Variants in PITPNC1 observed in about 807,000 individuals in gnomAD.
PITPNC1 encodes the protein phosphatidylinositol transfer protein cytoplasmic 1.
PITPNC1 carries 18 observed loss-of-function variants against 44.7 expected under a neutral mutation model. The observed-to-expected ratio is 0.40, with a 90% CI of 0.28 to 0.60. The LOEUF (loss-of-function observed/expected upper bound fraction) is 0.60. Among genes scored for constraint, PITPNC1 ranks in the 20% least tolerant of loss-of-function variants. The probability of loss-of-function intolerance (pLI) is 0.39; values close to 1 mark genes in which losing one functional copy is unlikely to be tolerated. For synonymous variants in PITPNC1, 141 were observed against 149.6 expected, an observed-to-expected ratio of 0.94 and a Z score of 0.42; for missense variants, 290 against 418.4, an observed-to-expected ratio of 0.69 and a Z score of 2.68.
intron 4 of PITPNC1, among the ~76,000 whole-genome samples, chr17:67,569,129 C>T (rs976727533): frequency 1.1e-4 from 16 of 152,100 alleles, no homozygotes; most frequent in Admixed American, 5.9e-4. Flanking sequence ...CCAGCACCAC[C>T]CAGAAACTGA....
rs115965679 is a variant in PITPNC1 at position 67,550,376 on chromosome 17, G to A, written c.198-1881G>A. Reference sequence around the variant, plus strand: ...TATGGGTTAGGTCCGGCCAGCCACTGAGAGTCCATCTTTGTGTTTTCAAAA... The same window carrying A: ...TATGGGTTAGGTCCGGCCAGCCACTAAGAGTCCATCTTTGTGTTTTCAAAA... On this transcript the variant is annotated intron_variant, in intron 2 of 8. Coordinates refer to ENST00000581322, the MANE Select transcript of PITPNC1 (RefSeq NM_012417.4). Among the ~76,000 whole-genome samples the A allele has an allele frequency of 4.9e-3, 746 of 151,868 alleles. 9 individuals carry two copies. The highest frequency in any genetic ancestry group is 0.017 in the African/African-American group (704 of 41,498).
chr17:67,687,086 C>T (rs1308013616), intron 8 of PITPNC1: 4 of 1,607,610 alleles, frequency 2.5e-6, no homozygotes, highest in Non-Finnish European at 3.4e-6. Flanking sequence ...GGATGATGTT[C>T]GGGAATACGA....
At chr17:67,588,554 G>T (rs191894448) in intron 5 of PITPNC1, among the ~76,000 whole-genome samples, 3 of 151,972 alleles carry the variant, frequency 2.0e-5, no homozygotes, top group Admixed American at 6.6e-5. Flanking sequence ...TATGCTACAC[G>T]CCTGTTAGTT....
intron 4 of PITPNC1, among the ~76,000 whole-genome samples, chr17:67,554,352 G>C (rs935324294): frequency 6.6e-6 from 1 of 150,978 alleles, no homozygotes; most frequent in Non-Finnish European, 1.5e-5. Flanking sequence ...TCACCTACCG[G>C]GTTCAAGCAA....
intron 5 of PITPNC1, among the ~76,000 whole-genome samples, chr17:67,590,715 C>A (rs1225861469): frequency 6.6e-6 from 1 of 152,160 alleles, no homozygotes; most frequent in Admixed American, 6.5e-5. Flanking sequence ...GTAATCCCAG[C>A]ACTTTAGCAG....
chr17:67,572,353 G>A (rs1325157316), intron 4 of PITPNC1, among the ~76,000 whole-genome samples: 8 of 151,372 alleles, frequency 5.3e-5, no homozygotes, highest in Non-Finnish European at 1.0e-4. Context: ...CATTGAGAAT[G>A]ACTAGGTTAG....
intron 8 of PITPNC1, 137 bp downstream of exon 8, chr17:67,675,679 G>T (rs2042588810): frequency 3.0e-6 from 2 of 677,268 alleles, no homozygotes; most frequent in Non-Finnish European, 5.3e-6. Flanking sequence ...AAATAGCACT[G>T]TCTGCCAAGC....
chr17:67,450,928 A>G (rs2039166262), intron 1 of PITPNC1, among the ~76,000 whole-genome samples: 1 of 152,156 alleles, frequency 6.6e-6, no homozygotes, highest in Admixed American at 6.5e-5. Flanking sequence ...GGCCTATTCT[A>G]GGTACCTCAT....
intron 1 of PITPNC1, among the ~76,000 whole-genome samples, chr17:67,497,866 T>C (rs562644860): frequency 6.7e-6 from 1 of 150,076 alleles, no homozygotes; most frequent in East Asian, 2.0e-4. Flanking sequence ...TTTCTTTCTT[T>C]TTTTTTTTTT....
At chr17:67,412,975 G>A (rs760574077) in intron 1 of PITPNC1, among the ~76,000 whole-genome samples, 19 of 152,180 alleles carry the variant, frequency 1.2e-4, no homozygotes. Flanking sequence ...CCTCCTTAAT[G>A]AGTTGGTTGC....
chr17:67,614,595 C>A (rs908715638), intron 5 of PITPNC1, among the ~76,000 whole-genome samples: 3 of 151,236 alleles, frequency 2.0e-5, no homozygotes, highest in African/African-American at 7.3e-5. Flanking sequence ...TCGCTTGAAC[C>A]TGGGAGGCAG....
intron 1 of PITPNC1, among the ~76,000 whole-genome samples, chr17:67,522,578 C>A (rs2144109944): frequency 6.6e-6 from 1 of 151,496 alleles, no homozygotes; most frequent in South Asian, 2.1e-4. Context: ...GAGGCATGAG[C>A]CATACTCACT....
intron 1 of PITPNC1, among the ~76,000 whole-genome samples, chr17:67,466,211 G>GGC (rs1457693472): frequency 1.5e-5 from 2 of 135,890 alleles, no homozygotes; most frequent in Admixed American, 7.3e-5. Flanking sequence ...GGGGTGGGGG[G>GGC]GGGCGCGTCT....
intron 1 of PITPNC1, among the ~76,000 whole-genome samples, chr17:67,494,883 G>A (rs564801812): frequency 6.6e-6 from 1 of 151,880 alleles, no homozygotes; most frequent in South Asian, 2.1e-4. Context: ...TGAGGCAGGA[G>A]GATCATTTGA....
At chr17:67,427,812 G>A (rs1233030236) in intron 1 of PITPNC1, among the ~76,000 whole-genome samples, 1 of 152,158 alleles carries the variant, frequency 6.6e-6, no homozygotes, top group African/African-American at 2.4e-5. Context: ...CCTTTAAGAT[G>A]GGAGATTGCA....
intron 1 of PITPNC1, among the ~76,000 whole-genome samples, chr17:67,410,207 T>C (rs2038474133): frequency 6.6e-6 from 1 of 152,266 alleles, no homozygotes; most frequent in African/African-American, 2.4e-5. Context: ...AGGCCTCTAA[T>C]ATTTTATTAG....
intron 1 of PITPNC1, among the ~76,000 whole-genome samples, chr17:67,429,235 A>T (rs1425040721): frequency 2.6e-5 from 4 of 152,190 alleles, no homozygotes. Flanking sequence ...AAGAATATTC[A>T]TGTATTGACC....
chr17:67,554,430 T>G (rs1334584899), intron 4 of PITPNC1, among the ~76,000 whole-genome samples: 16 of 151,764 alleles, frequency 1.1e-4, no homozygotes, highest in African/African-American at 1.2e-4. Flanking sequence ...GCTAATTTTT[T>G]TATTTTTGGT....
intron 5 of PITPNC1, among the ~76,000 whole-genome samples, chr17:67,627,935 T>C (rs1023913931): frequency 1.3e-5 from 2 of 151,458 alleles, no homozygotes; most frequent in Non-Finnish European, 2.9e-5. Flanking sequence ...TTTTTGTTTT[T>C]TTTTTTTTTG....
Sources: gnomAD v4.1 joint callset for allele counts (sites outside exome capture counted in the v4.1 genomes callset) on GRCh38, gnomAD v4.1.1 for gene constraint, MANE v1.5 for transcripts, NCBI Gene and HGNC (gene_info 2026-07-23, HGNC 2026-07-21) for gene names.